SEL1L2: variants seen among roughly 807,000 people sequenced by gnomAD.
SEL1L2 encodes the protein protein sel-1 homolog 2.
SEL1L2 carries 89 observed loss-of-function variants against 98.8 expected under a neutral mutation model. The observed-to-expected ratio is 0.90, with a 90% CI of 0.76 to 1.07. SEL1L2 has a LOEUF of 1.07. Ranked by LOEUF, SEL1L2 falls within the 50% of genes least tolerant of loss-of-function variation. The pLI is 0.00. For synonymous variants in SEL1L2, 262 were observed against 278.5 expected (o/e 0.94, Z 0.59); for missense variants, 788 against 812.0 (o/e 0.97, Z 0.36).
intron 2 of SEL1L2, among the ~76,000 whole-genome samples, chr20:13,935,739 G>A (rs2148342495): frequency 6.6e-6 from 1 of 152,288 alleles, no homozygotes; most frequent in East Asian, 1.9e-4. Context: ...TCTGAGCAGA[G>A]GAGTGATATT....
chr20:13,949,867 G>A (rs1426893574), intron 2 of SEL1L2, among the ~76,000 whole-genome samples: 1 of 152,122 alleles, frequency 6.6e-6, no homozygotes, highest in Non-Finnish European at 1.5e-5. Context: ...GTGCCCAAAA[G>A]AATTGAAACA....
chr20:13,957,334 T>A (rs974161934), intron 1 of SEL1L2, among the ~76,000 whole-genome samples: 12 of 152,214 alleles, frequency 7.9e-5, no homozygotes, highest in Non-Finnish European at 1.3e-4. Context: ...ACTCCTGACC[T>A]CAGGTGATCT....
intron 1 of SEL1L2, among the ~76,000 whole-genome samples, chr20:13,979,394 G>A (rs2051700277): frequency 6.6e-6 from 1 of 152,202 alleles, no homozygotes; most frequent in South Asian, 2.1e-4. Context: ...GGAAAAGCTA[G>A]AAGAGAAGAT....
intron 3 of SEL1L2, among the ~76,000 whole-genome samples, chr20:13,930,526 A>G (rs1006318975): frequency 6.6e-6 from 1 of 152,190 alleles, no homozygotes; most frequent in African/African-American, 2.4e-5. Context: ...TAAATGTGCT[A>G]TTTGTTTCCT....
intron 5 of SEL1L2, among the ~76,000 whole-genome samples, chr20:13,902,522 C>A (rs2047727342): frequency 6.6e-6 from 1 of 152,094 alleles, no homozygotes; most frequent in Non-Finnish European, 1.5e-5. Flanking sequence ...CATTTTGGTG[C>A]TTGATCATTC....
chr20:13,913,113 A>C (rs900084852), intron 5 of SEL1L2, among the ~76,000 whole-genome samples: 7 of 152,222 alleles, frequency 4.6e-5, no homozygotes, highest in Admixed American at 4.6e-4. Flanking sequence ...CTGGGGGGAA[A>C]GCTTTTAGAA....
intron 4 of SEL1L2, among the ~76,000 whole-genome samples, chr20:13,917,786 C>CTTTTTTTTTTTTTTTTCTTTTTTTTTTT (rs2048470375): frequency 2.0e-5 from 1 of 50,072 alleles, no homozygotes; most frequent in Non-Finnish European, 3.3e-5. Context: ...TTCTTTCTTT[C>CTTTTTTTTTTTTTTTTCTTTTTTTTTTT]TTTTTTTTTT....
chr20:13,858,743 A>T (rs1989561266), intron 18 of SEL1L2, among the ~76,000 whole-genome samples: 1 of 152,170 alleles, frequency 6.6e-6, no homozygotes, highest in South Asian at 2.1e-4. Flanking sequence ...AGTCAAGTGT[A>T]GTCTTGGGGG....
intron 6 of SEL1L2, 53 bp downstream of exon 6, chr20:13,888,406 G>A: frequency 8.5e-7 from 1 of 1,170,368 alleles, no homozygotes; most frequent in Non-Finnish European, 1.3e-6. Flanking sequence ...TTTATTCAAT[G>A]TCCCTTTTAG....
rs1209324118 is a variant in SEL1L2, at chr20:13,907,770, T to TC, written c.549+6011_549+6012insG. On this transcript the variant is annotated intron_variant, in intron 5 of 19. Coordinates refer to ENST00000284951, the MANE Select transcript of SEL1L2 (RefSeq NM_025229.2). ...TCTTTTCTTTTCTTTTCTTTTCTTT[T>TC]TTTTTCTTTATTTGAGGGACACGGT... Among the ~76,000 whole-genome samples the TC allele has an allele frequency of 5.5e-4, 83 of 150,162 alleles. 1 individual carries two copies. The highest frequency in any genetic ancestry group is 8.0e-4 in the Non-Finnish European group (54 of 67,648).
chr20:13,884,654 C>T (rs752560303), intron 10 of SEL1L2, among the ~76,000 whole-genome samples: 2 of 151,838 alleles, frequency 1.3e-5, no homozygotes, highest in South Asian at 2.1e-4. Context: ...ATTACAGGCA[C>T]GTGCCACCAC....
chr20:13,944,647 G>A (rs1400729734), intron 2 of SEL1L2, among the ~76,000 whole-genome samples: 5 of 152,206 alleles, frequency 3.3e-5, no homozygotes, highest in Non-Finnish European at 7.3e-5. Context: ...TGTGCCTGAA[G>A]TAGTTTGTGT....
intron 2 of SEL1L2, 41 bp from the exon 3 acceptor site, chr20:13,931,812 A>G (rs760102541): frequency 1.4e-6 from 2 of 1,420,538 alleles, no homozygotes; most frequent in Admixed American, 5.6e-5. Flanking sequence ...TTCATGTGTG[A>G]GTTTTTTTCA....
At chr20:13,942,566 C>T (rs2049829302) in intron 2 of SEL1L2, among the ~76,000 whole-genome samples, 1 of 151,920 alleles carries the variant, frequency 6.6e-6, no homozygotes, top group Non-Finnish European at 1.5e-5. Context: ...GAACCCCTGC[C>T]CTAGGTAATA....
At chr20:13,985,760 T>C (rs576440068) in intron 1 of SEL1L2, among the ~76,000 whole-genome samples, 1 of 152,284 alleles carries the variant, frequency 6.6e-6, no homozygotes, top group East Asian at 1.9e-4. Context: ...ACAGAACATT[T>C]TTCATTACCC....
chr20:13,867,323 A>G (rs891392920), intron 14 of SEL1L2, among the ~76,000 whole-genome samples: 3 of 152,188 alleles, frequency 2.0e-5, no homozygotes, highest in African/African-American at 7.2e-5. Context: ...TCCTGCTTAG[A>G]GCAAGAATAG....
chr20:13,870,244 T>G, intron 12 of SEL1L2, 41 bp from the exon 13 acceptor site: 1 of 1,496,064 alleles, frequency 6.7e-7, no homozygotes, highest in Non-Finnish European at 9.2e-7. Flanking sequence ...CCCAGAAGAA[T>G]TCATGATAAG....
Position 13,859,345 on chromosome 20 carries a change from T to G in SEL1L2, c.1735A>C (p.Ser579Arg). ...TTGTGGTATTTGTTGGCTGCAATGC[T>G]GTAGTGTGTGGCTGCTGTTTGATAG... ...KDYQTAATHYSIAANKYHNAQ... is the reference protein window; with the variant it reads ...KDYQTAATHYRIAANKYHNAQ... Residue 579 changes from serine (S) to arginine (R), a missense_variant, in exon 18 of 20, where the codon AGC becomes CGC. By Grantham distance (110) the Ser-to-Arg change is moderately radical (BLOSUM62 -1). Transcript: ENST00000284951. 6.2e-7 allele frequency: 1 copy of G among 1,614,178 alleles called. No homozygotes were observed.
chr20:13,931,630 C>A lies in SEL1L2; in HGVS notation c.256G>T (p.Asp86Tyr). 1 of 1,431,640 alleles carries A rather than the reference C, an allele frequency of 7.0e-7. No homozygotes were observed. The highest frequency in any genetic ancestry group is 1.3e-5 in the South Asian group (1 of 77,964). The allele number at this position is 1,431,640 out of a possible 1,614,324, so 88.7% of individuals were successfully genotyped here. A position where few individuals can be genotyped will look rare whatever the true frequency, so the allele number is the denominator to read the frequency against. ...TGATTCTTATTTCTCTTCAAGATAT[C>A]TTTATTTTGAATTCCTTTTATTCTT... is the stretch of plus-strand genomic sequence containing the variant. Reference protein sequence around the residue: ...KIRIKGIQNKDILKRNKNHLQ... With the variant: ...KIRIKGIQNKYILKRNKNHLQ... Residue 86 changes from aspartate to tyrosine, a missense_variant, in exon 3 of 20, where the codon GAT (aspartate) becomes TAT (tyrosine). Transcript: ENST00000284951.
Sources: allele counts gnomAD v4.1 joint callset (sites outside exome capture counted in the v4.1 genomes callset), GRCh38; gene constraint gnomAD v4.1.1; transcripts MANE v1.5; gene names NCBI Gene and HGNC (gene_info 2026-07-23, HGNC 2026-07-21).